Variants in CCSER1 observed in about 807,000 individuals in gnomAD.
CCSER1 encodes coiled-coil serine rich protein 1, also known as serine-rich coiled-coil domain-containing protein 1.
A neutral mutation model predicts 82.0 loss-of-function variants in CCSER1; 41 were observed. The observed-to-expected ratio is 0.50, with a 90% CI of 0.39 to 0.65. The LOEUF (loss-of-function observed/expected upper bound fraction) is 0.65. Ranked by LOEUF, CCSER1 falls within the 30% of genes least tolerant of loss-of-function variation. CCSER1 has a pLI of 0.00. For synonymous variants in CCSER1, 414 were observed against 383.9 expected, an observed-to-expected ratio of 1.08 and a Z score of -0.92; for missense variants, 1,119 against 1,064.2, an observed-to-expected ratio of 1.05 and a Z score of -0.72.
chr4:90,173,963 GAA>G (rs1448449138), intron 1 of CCSER1, among the ~76,000 whole-genome samples: 1 of 151,900 alleles, frequency 6.6e-6, no homozygotes, highest in Non-Finnish European at 1.5e-5. Context: ...TACTTCCTGA[GAA>G]TTCTCAGCCT....
At chr4:90,528,412 A>T (rs371044465) in intron 5 of CCSER1, among the ~76,000 whole-genome samples, 2 of 152,194 alleles carry the variant, frequency 1.3e-5, no homozygotes, top group African/African-American at 4.8e-5. Context: ...AATAAAACAC[A>T]AATAAATATG....
chr4:90,506,085 C>G (rs1316595489), intron 5 of CCSER1, among the ~76,000 whole-genome samples: 1 of 152,146 alleles, frequency 6.6e-6, no homozygotes, highest in East Asian at 1.9e-4. Flanking sequence ...CTTCCTCAGA[C>G]CTAGCACATG....
chr4:90,369,923 A>T (rs1456899809), intron 3 of CCSER1, among the ~76,000 whole-genome samples: 2 of 152,100 alleles, frequency 1.3e-5, no homozygotes, highest in African/African-American at 2.4e-5. Flanking sequence ...ATTAGATGAA[A>T]ATAAAATTCA....
chr4:91,179,781 A>G (rs1270051198), intron 10 of CCSER1, among the ~76,000 whole-genome samples: 1 of 152,046 alleles, frequency 6.6e-6, no homozygotes, highest in Non-Finnish European at 1.5e-5. Context: ...TTGTTATTAC[A>G]GATTGTCTGA....
At chr4:90,719,200 G>T (rs1350111652) in intron 6 of CCSER1, among the ~76,000 whole-genome samples, 1 of 152,044 alleles carries the variant, frequency 6.6e-6, no homozygotes, top group African/African-American at 2.4e-5. Flanking sequence ...ATCAGCTGCG[G>T]CATTAGAGAC....
At chr4:90,881,236 C>T (rs2081267570) in intron 8 of CCSER1, among the ~76,000 whole-genome samples, 2 of 151,972 alleles carry the variant, frequency 1.3e-5, no homozygotes, top group South Asian at 4.2e-4. Context: ...CCATCTTTCT[C>T]ATCTTAAAAT....
rs117342781 is a variant in CCSER1 at position 90,554,622 on chromosome 4, A to C, written c.1725-73403A>C. The stretch of plus-strand genomic sequence containing the variant: ...TTATATTGCTACATACCAGCCAGCT[A>C]AATGCAATCCCCCAAGGACAGGAGC... On this transcript the variant is annotated intron_variant, in intron 5 of 10. Coordinates refer to ENST00000509176, the MANE Select transcript of CCSER1 (RefSeq NM_001145065.2). 1.9e-3 allele frequency among the ~76,000 whole-genome samples: 291 copies of C among 152,320 alleles called. 7 individuals carry two copies. The East Asian group carries it at 0.052, about 27-fold the overall frequency.
rs1270318027 is a variant in CCSER1 at position 90,127,821 on chromosome 4, G to A, written c.-52G>A. Reference sequence around the variant, plus strand: ...CGGGAGGAGCCTTAACAAGCGCACGGAGCCCTCAAGGTAGTAACGCCCCTG... The same window carrying A: ...CGGGAGGAGCCTTAACAAGCGCACGAAGCCCTCAAGGTAGTAACGCCCCTG... On this transcript the variant is annotated 5_prime_UTR_variant, in exon 1 of 11. Coordinates refer to ENST00000509176, the MANE Select transcript of CCSER1 (RefSeq NM_001145065.2). 6.6e-6 allele frequency: 1 copy of A among 152,300 alleles called. No individual in the cohort carries two copies. Among genetic ancestry groups the A allele is most frequent in the East Asian group, 1.9e-4 (1 of 5,162 alleles). 9.4% of individuals were successfully genotyped at this position (152,300 alleles called of 1,614,324 possible).
intron 8 of CCSER1, among the ~76,000 whole-genome samples, chr4:90,817,764 C>T (rs1759210498): frequency 6.6e-6 from 1 of 152,124 alleles, no homozygotes; most frequent in South Asian, 2.1e-4. Context: ...GTCATTCAAA[C>T]TGGATTTGGA....
intron 10 of CCSER1, among the ~76,000 whole-genome samples, chr4:91,196,499 G>A (rs1306259935): frequency 6.6e-6 from 1 of 152,170 alleles, no homozygotes; most frequent in African/African-American, 2.4e-5. Flanking sequence ...AGAAAGGAAA[G>A]CAGGAAAAAG....
chr4:90,164,934 G>A (rs1004825193), intron 1 of CCSER1, among the ~76,000 whole-genome samples: 2 of 152,062 alleles, frequency 1.3e-5, no homozygotes, highest in Non-Finnish European at 2.9e-5. Flanking sequence ...GGGCCAGAAG[G>A]CAGGATAATG....
At chr4:90,412,904 C>T (rs984791260) in intron 4 of CCSER1, among the ~76,000 whole-genome samples, 13 of 152,080 alleles carry the variant, frequency 8.5e-5, no homozygotes, top group African/African-American at 3.1e-4. Flanking sequence ...AAGTCCTAGC[C>T]AGAGCCATCA....
chr4:90,755,426 ATAGT>A (rs1749354526), intron 7 of CCSER1, among the ~76,000 whole-genome samples: 1 of 152,118 alleles, frequency 6.6e-6, no homozygotes, highest in Admixed American at 6.5e-5. Flanking sequence ...CTTTTAACCA[ATAGT>A]TAGTCAGTAA....
intron 6 of CCSER1, among the ~76,000 whole-genome samples, chr4:90,701,244 C>T (rs1216862265): frequency 6.6e-6 from 1 of 152,110 alleles, no homozygotes; most frequent in Non-Finnish European, 1.5e-5. Context: ...ACAGGGAATC[C>T]TTTCCCCATT....
intron 5 of CCSER1, among the ~76,000 whole-genome samples, chr4:90,484,105 C>T (rs113060921): frequency 3.1e-4 from 47 of 152,270 alleles, no homozygotes; most frequent in Non-Finnish European, 5.1e-4. Context: ...CTTCTCTTCA[C>T]GCTTCATTTC....
At chr4:91,133,320 T>C (rs1321696463) in intron 10 of CCSER1, among the ~76,000 whole-genome samples, 1 of 152,086 alleles carries the variant, frequency 6.6e-6, no homozygotes, top group Non-Finnish European at 1.5e-5. Flanking sequence ...AACAGAAGAA[T>C]TCAGGTGTCA....
intron 10 of CCSER1, among the ~76,000 whole-genome samples, chr4:91,355,155 A>G (rs967667219): frequency 9.2e-5 from 14 of 151,930 alleles, no homozygotes; most frequent in Non-Finnish European, 1.5e-5. Context: ...ATGACACAAG[A>G]CCAGTATTGA....
At chr4:91,242,958 C>G (rs1173263433) in intron 10 of CCSER1, among the ~76,000 whole-genome samples, 2 of 152,144 alleles carry the variant, frequency 1.3e-5, no homozygotes, top group Non-Finnish European at 2.9e-5. Flanking sequence ...AATCAGATAA[C>G]CAATCACAGT....
At chr4:91,402,328 C>T (rs1752396518) in intron 10 of CCSER1, among the ~76,000 whole-genome samples, 1 of 152,108 alleles carries the variant, frequency 6.6e-6, no homozygotes, top group African/African-American at 2.4e-5. Context: ...TAAAAATTTT[C>T]TCCCATTCTG....
Sources: allele counts gnomAD v4.1 joint callset (sites outside exome capture counted in the v4.1 genomes callset), GRCh38; gene constraint gnomAD v4.1.1; transcripts MANE v1.5; gene names NCBI Gene and HGNC (gene_info 2026-07-23, HGNC 2026-07-21).